The following KCTD16 variants were observed in gnomAD, a reference collection of about 807,000 sequenced individuals.
KCTD16 encodes potassium channel tetramerization domain containing 16, also known as BTB/POZ domain-containing protein KCTD16.
Under a neutral mutation model 33.2 loss-of-function variants are expected in KCTD16, and 13 were observed. The ratio of observed to expected loss-of-function variants is 0.39; its 90% confidence interval spans 0.25 to 0.62. The LOEUF is 0.62. Among genes scored for constraint, KCTD16 ranks in the 20% least tolerant of loss-of-function variants. KCTD16 has a pLI of 0.50. For missense variants in KCTD16, 441 were observed against 525.1 expected (o/e 0.84, Z 1.57); for synonymous variants, 197 against 195.3 (o/e 1.01, Z -0.07).
At chr5:144,304,420 G>A (rs553924771) in intron 3 of KCTD16, among the ~76,000 whole-genome samples, 1 of 152,150 alleles carries the variant, frequency 6.6e-6, no homozygotes, top group Non-Finnish European at 1.5e-5. Context: ...AAGAATCTGG[G>A]AAGCACCTAG....
At chr5:144,271,370 C>T (rs1438207131) in intron 3 of KCTD16, among the ~76,000 whole-genome samples, 1 of 151,854 alleles carries the variant, frequency 6.6e-6, no homozygotes, top group Admixed American at 6.6e-5. Context: ...CAATCAATGT[C>T]ATACATCACA....
intron 3 of KCTD16, among the ~76,000 whole-genome samples, chr5:144,462,799 C>T (rs1246695100): frequency 1.3e-5 from 2 of 152,112 alleles, no homozygotes; most frequent in Non-Finnish European, 2.9e-5. Flanking sequence ...AAGTGGCACA[C>T]CCTTGCTTTC....
chr5:144,281,656 A>G (rs944975408), intron 3 of KCTD16, among the ~76,000 whole-genome samples: 2 of 152,184 alleles, frequency 1.3e-5, no homozygotes, highest in African/African-American at 4.8e-5. Flanking sequence ...AAAAAAATTC[A>G]TTTTGCTATT....
At chr5:144,468,257 C>A (rs1754392232) in intron 3 of KCTD16, among the ~76,000 whole-genome samples, 1 of 152,210 alleles carries the variant, frequency 6.6e-6, no homozygotes, top group African/African-American at 2.4e-5. Context: ...CCTCCTGCAG[C>A]CACTATCTTT....
chr5:144,361,940 G>C (rs1751723684), intron 3 of KCTD16, among the ~76,000 whole-genome samples: 1 of 151,640 alleles, frequency 6.6e-6, no homozygotes, highest in Admixed American at 6.6e-5. Context: ...GTGTGTGTGT[G>C]TGTGTGTGAT....
At chr5:144,315,810 C>T (rs890251412) in intron 3 of KCTD16, among the ~76,000 whole-genome samples, 1 of 151,996 alleles carries the variant, frequency 6.6e-6, no homozygotes, top group African/African-American at 2.4e-5. Context: ...ACTGGAAGCA[C>T]TTTTTAAAAA....
intron 3 of KCTD16, among the ~76,000 whole-genome samples, chr5:144,248,865 A>G (rs1243839585): frequency 2.0e-5 from 3 of 152,152 alleles, no homozygotes; most frequent in Admixed American, 6.5e-5. Flanking sequence ...TGACATGCCT[A>G]TTCGTTTCCA....
intron 3 of KCTD16, among the ~76,000 whole-genome samples, chr5:144,465,794 T>G (rs1205671796): frequency 6.6e-6 from 1 of 150,934 alleles, no homozygotes; most frequent in Middle Eastern, 3.2e-3. Flanking sequence ...TTGTTTTTTT[T>G]TTTTTTTGCC....
intron 3 of KCTD16, among the ~76,000 whole-genome samples, chr5:144,371,668 G>C (rs1424445280): frequency 6.6e-6 from 1 of 151,928 alleles, no homozygotes; most frequent in Non-Finnish European, 1.5e-5. Flanking sequence ...AGGTTCTGTG[G>C]CACTGATGTT....
At chr5:144,222,707 G>C (rs1753798807) in intron 3 of KCTD16, among the ~76,000 whole-genome samples, 1 of 152,210 alleles carries the variant, frequency 6.6e-6, no homozygotes, top group Admixed American at 6.5e-5. Context: ...CTGTAAACTA[G>C]TTCAACCATT....
Position 144,470,652 on chromosome 5 carries a change from G to C in KCTD16, c.833-3008G>C, listed in dbSNP as rs77770112. Among the ~76,000 whole-genome samples, 691 of 152,288 alleles carry C rather than the reference G, an allele frequency of 4.5e-3. 10 individuals carry two copies. Among genetic ancestry groups the C allele is most frequent in the African/African-American group, 0.016 (660 of 41,558 alleles). On this transcript the variant is annotated intron_variant, in intron 3 of 3. Transcript: ENST00000512467. ...GTATGACAACCTCCACTAGAATTAA[G>C]TTGTTCAATTCCCCTTTGATAGTGA...
rs151207685 is a variant in KCTD16 at position 144,356,222 on chromosome 5, C to G, written c.833-117438C>G. On this transcript the variant is annotated intron_variant, in intron 3 of 3. Transcript: ENST00000512467. ...CACTGTCCATATTTTAGCTTTTATA[C>G]CTTTATGTCTCATATGAGAAGTTCG... Among the ~76,000 whole-genome samples, 8 of 152,158 alleles carry G rather than the reference C, an allele frequency of 5.3e-5. No individual in the cohort carries two copies. The South Asian group carries it at 1.7e-3, about 32-fold the overall frequency.
At chr5:144,218,415 G>A (rs1753630673) in intron 3 of KCTD16, among the ~76,000 whole-genome samples, 1 of 152,156 alleles carries the variant, frequency 6.6e-6, no homozygotes, top group Non-Finnish European at 1.5e-5. Context: ...AGTAATAAAA[G>A]TTATATCCTA....
At chr5:144,307,288 G>A (rs376520945) in intron 3 of KCTD16, among the ~76,000 whole-genome samples, 6 of 152,148 alleles carry the variant, frequency 3.9e-5, no homozygotes, top group South Asian at 2.1e-4. Flanking sequence ...AGTTATCATC[G>A]TATAGTCTTT....
At chr5:144,367,410 C>T (rs1303760253) in intron 3 of KCTD16, among the ~76,000 whole-genome samples, 1 of 152,120 alleles carries the variant, frequency 6.6e-6, no homozygotes, top group Non-Finnish European at 1.5e-5. Flanking sequence ...TTCCTTTGTA[C>T]CCTTAACATT....
At chr5:144,413,629 A>G (rs1193616425) in intron 3 of KCTD16, among the ~76,000 whole-genome samples, 1 of 152,200 alleles carries the variant, frequency 6.6e-6, no homozygotes, top group Non-Finnish European at 1.5e-5. Context: ...CAGGGACTAT[A>G]AGAAGGATTA....
chr5:144,412,715 A>T (rs1335396244), intron 3 of KCTD16, among the ~76,000 whole-genome samples: 1 of 152,032 alleles, frequency 6.6e-6, no homozygotes, highest in Non-Finnish European at 1.5e-5. Context: ...ATGAACCCCC[A>T]TCTCTACTAA....
At chr5:144,361,906 T>TTG (rs3996310) in intron 3 of KCTD16, among the ~76,000 whole-genome samples, 13,617 of 143,860 alleles carry the variant, frequency 0.095, 656 homozygotes, top group African/African-American at 0.15. Context: ...TGGTGTTATT[T>TTG]TGTGTGTGTG....
intron 3 of KCTD16, among the ~76,000 whole-genome samples, chr5:144,325,025 C>T (rs1217181335): frequency 1.3e-5 from 2 of 152,162 alleles, no homozygotes; most frequent in East Asian, 1.9e-4. Flanking sequence ...CCGTGGTACA[C>T]GTTTACTTAT....
Sources: allele counts gnomAD v4.1 joint callset (sites outside exome capture counted in the v4.1 genomes callset), GRCh38; gene constraint gnomAD v4.1.1; transcripts MANE v1.5; gene names NCBI Gene and HGNC (gene_info 2026-07-23, HGNC 2026-07-21).